The following GNAZ variants were observed in gnomAD, a reference collection of about 807,000 sequenced individuals.
The protein encoded by GNAZ is guanine nucleotide-binding protein G(z) subunit alpha.
In GNAZ, 3 loss-of-function variants were observed where a neutral mutation model predicts 25.4. The observed-to-expected ratio is 0.12, with a 90% confidence interval of 0.05 to 0.30. The LOEUF is 0.30. Among genes scored for constraint, GNAZ ranks in the 10% least tolerant of loss-of-function variants. The pLI is 1.00. For missense variants in GNAZ, 241 were observed against 501.8 expected, an observed-to-expected ratio of 0.48 and a Z score of 4.97; for synonymous variants, 211 against 205.7, an observed-to-expected ratio of 1.03 and a Z score of -0.22.
At chr22:23,073,732 G>A (rs1212790013) in intron 1 of GNAZ, among the ~76,000 whole-genome samples, 2 of 152,172 alleles carry the variant, frequency 1.3e-5, no homozygotes. Flanking sequence ...AACCTCACGC[G>A]ATTCATCCAT....
At chr22:23,109,405 C>T (rs938269403) in intron 2 of GNAZ, among the ~76,000 whole-genome samples, 3 of 152,176 alleles carry the variant, frequency 2.0e-5, no homozygotes, top group Admixed American at 2.0e-4. Flanking sequence ...TGCTGCTCCT[C>T]TCAGGTCTTT....
chr22:23,088,681 T>C (rs62220910), intron 1 of GNAZ, among the ~76,000 whole-genome samples: 6,667 of 152,244 alleles, frequency 0.044, 521 homozygotes, highest in African/African-American at 0.15. Flanking sequence ...ATGACTCCTG[T>C]TGCCACCCCA....
intron 1 of GNAZ, among the ~76,000 whole-genome samples, chr22:23,081,765 T>G (rs553115716): frequency 7.5e-6 from 1 of 133,530 alleles, no homozygotes; most frequent in Admixed American, 9.2e-5. Flanking sequence ...GAAGTTGCAG[T>G]GAGCCGAGAT....
At chr22:23,112,795 C>A (rs926523322) in intron 2 of GNAZ, among the ~76,000 whole-genome samples, 4 of 152,104 alleles carry the variant, frequency 2.6e-5, no homozygotes, top group African/African-American at 9.7e-5. Flanking sequence ...CACAGAAGAC[C>A]CTCAGTGGGG....
chr22:23,105,818 A>G (rs1160561180), intron 2 of GNAZ, among the ~76,000 whole-genome samples: 2 of 152,226 alleles, frequency 1.3e-5, no homozygotes, highest in African/African-American at 4.8e-5. Flanking sequence ...ATTTAACACA[A>G]AAACAAATAG....
At chr22:23,088,853 C>G (rs974909061) in intron 1 of GNAZ, among the ~76,000 whole-genome samples, 1 of 152,180 alleles carries the variant, frequency 6.6e-6, no homozygotes, top group East Asian at 1.9e-4. Flanking sequence ...TGCCTGCCAC[C>G]TCTTGGGGTC....
At chr22:23,086,897 C>A (rs7292246) in intron 1 of GNAZ, among the ~76,000 whole-genome samples, 10,995 of 152,290 alleles carry the variant, frequency 0.072, 1,357 homozygotes, top group African/African-American at 0.25. Context: ...GAGGCCCCTA[C>A]AGGTCCAGGC....
At chr22:23,106,084 A>T (rs1462126039) in intron 2 of GNAZ, among the ~76,000 whole-genome samples, 4 of 152,208 alleles carry the variant, frequency 2.6e-5, no homozygotes, top group African/African-American at 9.6e-5. Context: ...AGCATTGTTA[A>T]GGCACCACCT....
intron 1 of GNAZ, among the ~76,000 whole-genome samples, chr22:23,087,933 T>C (rs2068862017): frequency 6.6e-6 from 1 of 152,340 alleles, no homozygotes; most frequent in Admixed American, 6.5e-5. Flanking sequence ...ATTTCTAATC[T>C]TGTGGCTAAT....
intron 2 of GNAZ, among the ~76,000 whole-genome samples, chr22:23,107,532 C>G (rs1485174341): frequency 6.6e-6 from 1 of 152,196 alleles, no homozygotes; most frequent in African/African-American, 2.4e-5. Flanking sequence ...ACTCGAGAGT[C>G]TCCACTTCAG....
intron 1 of GNAZ, among the ~76,000 whole-genome samples, chr22:23,073,445 C>A (rs549030252): frequency 1.1e-3 from 162 of 152,322 alleles, no homozygotes; most frequent in African/African-American, 3.7e-3. Flanking sequence ...GTGAGGTGAG[C>A]ATTCCAGTCT....
chr22:23,073,711 C>T (rs754015785), intron 1 of GNAZ, among the ~76,000 whole-genome samples: 1 of 152,222 alleles, frequency 6.6e-6, no homozygotes, highest in Non-Finnish European at 1.5e-5. Context: ...TGGACTGAGC[C>T]GGAGGAGCAG....
rs28688689 is a variant in GNAZ at position 23,113,696 on chromosome 22, C to T, written c.724-9391C>T. Among the ~76,000 whole-genome samples, 772 of 152,334 alleles carry T rather than the reference C, an allele frequency of 5.1e-3. 5 individuals carry two copies. The highest frequency in any genetic ancestry group is 0.018 in the African/African-American group (748 of 41,580). ...CTCGGTACACCTGCCAGGACCTCGG[C>T]GCATCATCAGATGGTGGGGCCCACT... On this transcript the variant is annotated intron_variant, in intron 2 of 2. Transcript: ENST00000615612.
At chr22:23,115,583 G>C (rs1726795694) in intron 2 of GNAZ, among the ~76,000 whole-genome samples, 2 of 152,114 alleles carry the variant, frequency 1.3e-5, no homozygotes, top group Admixed American at 6.5e-5. Context: ...AGAACAGGAA[G>C]GTGGGGTGAC....
chr22:23,091,573 G>A (rs911484278), intron 1 of GNAZ, among the ~76,000 whole-genome samples: 3 of 146,728 alleles, frequency 2.0e-5, no homozygotes, highest in Admixed American at 6.8e-5. Context: ...CACACGCACC[G>A]CAGTGGATTT....
Position 23,124,214 on chromosome 22 carries a change from G to GTT in GNAZ, c.*797_*798dup, listed in dbSNP as rs755464439. The GTT allele has an allele frequency of 3.1e-4, 46 of 146,516 alleles. 3 individuals are homozygous for GTT. Among genetic ancestry groups the GTT allele is most frequent in the South Asian group, 7.4e-4 (7 of 9,520 alleles). 9.1% of individuals were successfully genotyped at this position (146,516 alleles called of 1,614,324 possible). On this transcript the variant is annotated 3_prime_UTR_variant, in exon 3 of 3. Coordinates refer to ENST00000615612, the MANE Select transcript of GNAZ (RefSeq NM_002073.4). Reference sequence around the variant, plus strand: ...CATTTTTTTTTTGTTTTGTTTTTTGGTTTTTTTTTTTTTTTGGCCAAATCT... The same window carrying GTT: ...CATTTTTTTTTTGTTTTGTTTTTTGGTTTTTTTTTTTTTTTTTGGCCAAATCT...
At chr22:23,074,094 G>A (rs1601746426) in intron 1 of GNAZ, among the ~76,000 whole-genome samples, 1 of 152,206 alleles carries the variant, frequency 6.6e-6, no homozygotes, top group East Asian at 1.9e-4. Context: ...TGGGGTGTCA[G>A]GGCCAGGTCC....
intron 1 of GNAZ, among the ~76,000 whole-genome samples, chr22:23,080,858 A>G (rs1281732482): frequency 6.6e-6 from 1 of 152,218 alleles, no homozygotes; most frequent in African/African-American, 2.4e-5. Context: ...ATCAGCACTC[A>G]CTGGATTAAT....
chr22:23,095,648 G>A lies in GNAZ; in HGVS notation c.-48G>A. ...TCAGTGTCCCCTGTGGCAAGAGGGA[G>A]AGGTGCCCCATCCCGTGCTCCTTGT... On this transcript the variant is annotated 5_prime_UTR_variant, in exon 2 of 3. Coordinates refer to ENST00000615612, the MANE Select transcript of GNAZ (RefSeq NM_002073.4). The A allele has an allele frequency of 6.4e-7, 1 of 1,550,632 alleles. No homozygotes were observed.
Sources: allele counts gnomAD v4.1 joint callset (sites outside exome capture counted in the v4.1 genomes callset), GRCh38; gene constraint gnomAD v4.1.1; transcripts MANE v1.5; gene names NCBI Gene and HGNC (gene_info 2026-07-23, HGNC 2026-07-21).